The following RCE1 variants were observed in gnomAD, a reference collection of about 807,000 sequenced individuals.
RCE1 encodes CAAX prenyl protease 2.
RCE1 carries 15 observed loss-of-function variants against 35.0 expected under a neutral mutation model. That is an observed-to-expected ratio of 0.43 (90% CI 0.29 to 0.66). The LOEUF (loss-of-function observed/expected upper bound fraction) is 0.66. Among genes scored for constraint, RCE1 ranks in the 30% least tolerant of loss-of-function variants. The pLI is 0.17. For synonymous variants in RCE1, 261 were observed against 192.7 expected (o/e 1.35, Z -2.94); for missense variants, 434 against 433.0 (o/e 1.00, Z -0.02).
chr11:66,844,537 C>T (rs140076162), intron 4 of RCE1, among the ~76,000 whole-genome samples, 173 bp downstream of exon 4: 89 of 152,278 alleles, frequency 5.8e-4, no homozygotes, highest in African/African-American at 2.1e-3. Flanking sequence ...GGTTGATTGC[C>T]AACGTCCAAG....
Position 66,844,929 on chromosome 11 carries a change from C to G in RCE1, c.512C>G (p.Ala171Gly). Reference sequence around the variant, plus strand: ...CGTTGGCTGCGGAACCAAGTGATCGCCCCGCTGACAGAGGAGCTGGTGTTC... The same window carrying G: ...CGTTGGCTGCGGAACCAAGTGATCGGCCCGCTGACAGAGGAGCTGGTGTTC... Reference protein sequence around the residue: ...DMRWLRNQVIAPLTEELVFRA... With the variant: ...DMRWLRNQVIGPLTEELVFRA... The change falls in exon 5 of 8, where the codon GCC (alanine) becomes GGC (glycine). Residue 171 changes from alanine to glycine, a missense_variant. Ala to Gly is a moderately conservative substitution (Grantham distance 60). Coordinates refer to ENST00000309657, the MANE Select transcript of RCE1 (RefSeq NM_005133.3). 6.2e-7 allele frequency: 1 copy of G among 1,604,506 alleles called. No homozygotes were observed. The highest frequency in any genetic ancestry group is 8.5e-7 in the Non-Finnish European group (1 of 1,175,298).
At chr11:66,845,758 T>TG in intron 7 of RCE1, 102 bp from the exon 8 acceptor site, 1 of 1,500,018 alleles carries the variant, frequency 6.7e-7, no homozygotes, top group Non-Finnish European at 9.0e-7. Context: ...GCTGGGGTAG[T>TG]GGGATCTTGA....
Position 66,846,177 on chromosome 11 carries a change from T to TG in RCE1, c.*86dup. On this transcript the variant is annotated 3_prime_UTR_variant, in exon 8 of 8. Coordinates refer to ENST00000309657, the MANE Select transcript of RCE1 (RefSeq NM_005133.3). Reference sequence around the variant, plus strand: ...GGGGTACTGCAGGGGAAGGGCTGGCTGGGGTCCCCGAGATCTCAGGAATTT... The same window carrying TG: ...GGGGTACTGCAGGGGAAGGGCTGGCTGGGGGTCCCCGAGATCTCAGGAATTT... The TG allele has an allele frequency of 1.4e-6, 2 of 1,480,242 alleles. No individual in the cohort carries two copies. The highest frequency in any genetic ancestry group is 1.8e-6 in the Non-Finnish European group (2 of 1,116,752). The allele number at this position is 1,480,242 out of a possible 1,614,324, so 91.7% of individuals were successfully genotyped here.
intron 3 of RCE1, 42 bp from the exon 4 acceptor site, chr11:66,844,244 C>T (rs778677871): frequency 1.2e-6 from 2 of 1,613,696 alleles, no homozygotes; most frequent in Non-Finnish European, 1.7e-6. Context: ...AAGGTCTGGG[C>T]AAAAGCGGTG....
chr11:66,845,628 G>A (rs1195968411), intron 7 of RCE1, 66 bp downstream of exon 7: 2 of 1,608,576 alleles, frequency 1.2e-6, no homozygotes, highest in Non-Finnish European at 1.7e-6. Context: ...TGGGAATACT[G>A]TTTGTTCTAG....
intron 5 of RCE1, 35 bp from the exon 6 acceptor site, chr11:66,845,131 G>A: frequency 1.2e-6 from 2 of 1,614,172 alleles, no homozygotes; most frequent in Non-Finnish European, 1.7e-6. Flanking sequence ...AGGCTGGGAG[G>A]AATGACTGTG....
rs757067541 is a variant in RCE1 at position 66,844,875 on chromosome 11, G to A, written c.458G>A (p.Arg153His). The A allele has an allele frequency of 6.5e-7, 1 of 1,534,120 alleles. No homozygotes were observed. Among genetic ancestry groups the A allele is most frequent in the Non-Finnish European group, 8.8e-7 (1 of 1,141,650 alleles). ...TCCTGAATTCCCTCTGCAGCCCCCC[G>A]CTCCTGGGCCCGCTGCCTCACAGAC... ...ADGLKVVLAP[R>H]SWARCLTDMR... Residue 153 changes from arginine to histidine, a missense_variant, in exon 5 of 8, where the codon CGC becomes CAC. Physicochemically the swap from Arg to His is conservative, Grantham distance 29 (BLOSUM62 0). Coordinates refer to ENST00000309657, the MANE Select transcript of RCE1 (RefSeq NM_005133.3).
At chr11:66,844,100 G>T in intron 3 of RCE1, 61 bp downstream of exon 3, 3 of 1,611,008 alleles carry the variant, frequency 1.9e-6, no homozygotes, top group Non-Finnish European at 2.5e-6. Context: ...GGGCAGTGCC[G>T]TGGACTCTTG....
At chr11:66,843,701 G>A in intron 1 of RCE1, 58 bp from the exon 2 acceptor site, 1 of 1,604,128 alleles carries the variant, frequency 6.2e-7, no homozygotes, top group South Asian at 1.1e-5. Context: ...GCGAGCCGGG[G>A]GCGGGTCCGT....
rs139590971 is a variant in RCE1 at position 66,845,537 on chromosome 11, C to T, written c.729C>T (p.Tyr243=). ...QFSYTAVFGA[Y]TAFLFIRTGH... ...CCTACACAGCTGTCTTCGGTGCCTA[C>T]ACTGCTTTCCTCTTCATCCGCACAG... is the stretch of plus-strand genomic sequence containing the variant. Residue 243 remains tyrosine, a synonymous_variant, in exon 7 of 8, where the codon TAC becomes TAT. Transcript: ENST00000309657. 1.9e-6 allele frequency: 3 copies of T among 1,614,114 alleles called. No homozygotes were observed. Among genetic ancestry groups the T allele is most frequent in the Admixed American group, 1.7e-5 (1 of 60,010 alleles).
intron 4 of RCE1, chr11:66,844,622 A>T: frequency 1.4e-6 from 1 of 723,692 alleles, no homozygotes; most frequent in Non-Finnish European, 2.2e-6. Context: ...AACCAGAGCT[A>T]GTCTTGCTTA....
rs1291324348 is a variant in RCE1 at position 66,846,244 on chromosome 11, CAAGAGA to C, written c.*154_*159del. ...CCAGAGCTAGTTGCGTCCCAGGGAC[CAAGAGA>C]AAGAAGCAGATATCCAAAGGGTGCA... On this transcript the variant is annotated 3_prime_UTR_variant, in exon 8 of 8. Transcript: ENST00000309657. 3.0e-6 allele frequency: 3 copies of C among 1,016,870 alleles called. No individual in the cohort carries two copies. The highest frequency in any genetic ancestry group is 1.4e-6 in the Non-Finnish European group (1 of 719,002). The allele number at this position is 1,016,870 out of a possible 1,614,324, so 63.0% of individuals were successfully genotyped here.
intron 7 of RCE1, 104 bp from the exon 8 acceptor site, chr11:66,845,753 GGTA>G: frequency 6.7e-7 from 1 of 1,488,962 alleles, no homozygotes; most frequent in Non-Finnish European, 9.1e-7. Flanking sequence ...GGATGGCTGG[GGTA>G]GTGGGATCTT....
Position 66,846,223 on chromosome 11 carries a change from A to G in RCE1, c.*128A>G, listed in dbSNP as rs1818346561. 11 of 1,202,352 alleles carry G rather than the reference A, an allele frequency of 9.1e-6. No individual in the cohort carries two copies. The highest frequency in any genetic ancestry group is 1.2e-5 in the Non-Finnish European group (11 of 882,468). The allele number at this position is 1,202,352 out of a possible 1,614,324, so 74.5% of individuals were successfully genotyped here. A position where few individuals can be genotyped will look rare whatever the true frequency, so the allele number is the denominator to read the frequency against. On this transcript the variant is annotated 3_prime_UTR_variant, in exon 8 of 8. Transcript: ENST00000309657. Reference sequence around the variant, plus strand: ...AATTTTTGTAGGGGATTGAAGCCAGAGCTAGTTGCGTCCCAGGGACCAAGA... The same window carrying G: ...AATTTTTGTAGGGGATTGAAGCCAGGGCTAGTTGCGTCCCAGGGACCAAGA...
rs1248359833 is a variant in RCE1, at chr11:66,844,378, G to A, written c.451+14G>A. On this transcript the variant is annotated intron_variant, in intron 4 of 7. Coordinates refer to ENST00000309657, the MANE Select transcript of RCE1 (RefSeq NM_005133.3). ...AGGTTGTCCTGGGTGAGTCTTAAAGGCTGAAGGGAAAAGTAGGCACAGGCA... is the reference window on the plus strand; with the variant it reads ...AGGTTGTCCTGGGTGAGTCTTAAAGACTGAAGGGAAAAGTAGGCACAGGCA... The A allele has an allele frequency of 1.2e-6, 2 of 1,614,050 alleles. No individual in the cohort carries two copies. Among genetic ancestry groups the A allele is most frequent in the African/African-American group, 2.7e-5 (2 of 74,920 alleles).
Position 66,845,536 on chromosome 11 carries a change from A to G in RCE1, c.728A>G (p.Tyr243Cys). The change falls in exon 7 of 8, where the codon TAC becomes TGC. Residue 243 changes from tyrosine to cysteine, a missense_variant. Transcript: ENST00000309657. ...QFSYTAVFGA[Y>C]TAFLFIRTGH... is the part of the protein sequence containing the mutation. ...TCCTACACAGCTGTCTTCGGTGCCT[A>G]CACTGCTTTCCTCTTCATCCGCACA... 6.2e-7 allele frequency: 1 copy of G among 1,614,138 alleles called. No homozygotes were observed. Among genetic ancestry groups the G allele is most frequent in the African/African-American group, 1.3e-5 (1 of 75,026 alleles).
Position 66,843,476 on chromosome 11 carries a change from T to G in RCE1, c.21T>G (p.Asp7Glu). The change falls in exon 1 of 8, where the codon GAT becomes GAG. Residue 7 changes from aspartate (D) to glutamate (E), a missense_variant. Asp to Glu is a conservative substitution (Grantham distance 45). Transcript: ENST00000309657. ...GCGCAATGGCGGCGCTGGGCGGGGA[T>G]GGGCTGCGACTGCTGTCGGTGTCGC... MAALGG[D>E]GLRLLSVSRP... 1 of 1,444,504 alleles carries G rather than the reference T, an allele frequency of 6.9e-7. No individual in the cohort carries two copies. Among genetic ancestry groups the G allele is most frequent in the Non-Finnish European group, 9.0e-7 (1 of 1,111,946 alleles). 89.5% of individuals were successfully genotyped at this position (1,444,504 alleles called of 1,614,324 possible).
At position 66,844,360 on chromosome 11, in the gene RCE1, C is replaced by G. The variant is rs948231056; in HGVS notation, c.447C>G (p.Val149=). 6.2e-7 allele frequency: 1 copy of G among 1,614,088 alleles called. No individual in the cohort carries two copies. Among genetic ancestry groups the G allele is most frequent in the Non-Finnish European group, 8.5e-7 (1 of 1,180,012 alleles). ...ACCTGGCAGATGGGCTGAAGGTTGT[C>G]CTGGGTGAGTCTTAAAGGCTGAAGG... ...PCDLADGLKV[V]LAPRSWARCL... The change falls in exon 4 of 8, where the codon GTC becomes GTG. Residue 149 remains valine (V), a synonymous_variant. Coordinates refer to ENST00000309657, the MANE Select transcript of RCE1 (RefSeq NM_005133.3).
chr11:66,845,283 G>A (rs764895355), intron 6 of RCE1, 46 bp downstream of exon 6: 26 of 1,612,684 alleles, frequency 1.6e-5, no homozygotes, highest in Non-Finnish European at 2.0e-5. Context: ...TGATGATGTC[G>A]CTAATGGCCA....
Sources: allele counts gnomAD v4.1 joint callset (sites outside exome capture counted in the v4.1 genomes callset), GRCh38; gene constraint gnomAD v4.1.1; transcripts MANE v1.5; gene names NCBI Gene and HGNC (gene_info 2026-07-23, HGNC 2026-07-21).